LRRC37A3: variants seen among roughly 807,000 people sequenced by gnomAD.
LRRC37A3 encodes leucine rich repeat containing 37 member A3.
Under a neutral mutation model 106.2 loss-of-function variants are expected in LRRC37A3, and 25 were observed. The observed-to-expected ratio is 0.24, with a 90% CI of 0.17 to 0.33. The LOEUF (loss-of-function observed/expected upper bound fraction) is 0.33. LRRC37A3 is among the 10% of genes least tolerant of loss of function. LRRC37A3 has a pLI of 1.00. For synonymous variants in LRRC37A3, 305 were observed against 635.8 expected (o/e 0.48, Z 7.83); for missense variants, 712 against 1,644.9 (o/e 0.43, Z 9.81).
intron 2 of LRRC37A3, among the ~76,000 whole-genome samples, chr17:64,915,624 A>AT (rs1245636343): frequency 6.6e-6 from 1 of 152,270 alleles, no homozygotes; most frequent in Non-Finnish European, 1.5e-5. Flanking sequence ...TGAACACCAA[A>AT]TGTGTAAAAG....
At chr17:64,880,936 G>GA (rs1341197000) in intron 8 of LRRC37A3, among the ~76,000 whole-genome samples, 5 of 152,034 alleles carry the variant, frequency 3.3e-5, no homozygotes, top group Admixed American at 6.6e-5. Context: ...AGCAGGCCGT[G>GA]AAAATAAATT....
At chr17:64,869,841 G>A (rs1973251513) in intron 8 of LRRC37A3, among the ~76,000 whole-genome samples, 1 of 151,348 alleles carries the variant, frequency 6.6e-6, no homozygotes, top group African/African-American at 2.4e-5. Context: ...GCGGCTGGCT[G>A]CTTGTCTTTT....
chr17:64,869,383 T>C (rs2143440092), intron 8 of LRRC37A3, among the ~76,000 whole-genome samples: 1 of 151,438 alleles, frequency 6.6e-6, no homozygotes. Flanking sequence ...GGGGAAGAAC[T>C]ACAAGGAAAA....
chr17:64,912,350 T>TAC (rs1380191382), intron 2 of LRRC37A3, among the ~76,000 whole-genome samples: 1 of 151,386 alleles, frequency 6.6e-6, no homozygotes, highest in South Asian at 2.1e-4. Context: ...TATACACACA[T>TAC]ACACACACAC....
intron 1 of LRRC37A3, 102 bp from the exon 2 acceptor site, chr17:64,918,972 G>A (rs1291090084): frequency 8.5e-7 from 1 of 1,181,186 alleles, no homozygotes; most frequent in African/African-American, 1.6e-5. Flanking sequence ...CGGGCCAGGT[G>A]GCTGCCCCCG....
In LRRC37A3 at chr17:64,860,636, G is replaced by A; in HGVS notation, c.3510C>T (p.Gly1170=). 1 of 1,613,900 alleles carries A rather than the reference G, an allele frequency of 6.2e-7. No homozygotes were observed. The highest frequency in any genetic ancestry group is 1.3e-5 in the African/African-American group (1 of 75,004). ...NRQRLNRVLM[G]PRSIQKRHFK... The stretch of plus-strand genomic sequence containing the variant: ...AGTGCCTTTTCTGGATGCTCCTTGG[G>A]CCCATGAGGACTCTATTCAGTCTCT... Residue 1170 remains glycine (G), a synonymous_variant, in exon 12 of 15, where the codon GGC becomes GGT. Transcript: ENST00000584306.
At chr17:64,910,079 C>A (rs1416824425) in intron 2 of LRRC37A3, 1 of 152,280 alleles carries the variant, frequency 6.6e-6, no homozygotes, top group South Asian at 2.1e-4. Flanking sequence ...CTGGATGAAC[C>A]GGTCAACGGC....
At chr17:64,883,558 C>G (rs1394096394) in intron 8 of LRRC37A3, among the ~76,000 whole-genome samples, 1 of 151,886 alleles carries the variant, frequency 6.6e-6, no homozygotes, top group African/African-American at 2.4e-5. Flanking sequence ...TATTCATCAT[C>G]GATCAACCAC....
chr17:64,866,589 C>CAT (rs1212670512), intron 10 of LRRC37A3, among the ~76,000 whole-genome samples: 547 of 24,138 alleles, frequency 0.023, 21 homozygotes, highest in East Asian at 0.034. Context: ...TATACACGTA[C>CAT]ATATATATAT....
At position 64,860,557 on chromosome 17, in the gene LRRC37A3, C is replaced by T. The variant is rs1972834223; in HGVS notation, c.3589G>A (p.Val1197Met). 20 of 1,613,238 alleles carry T rather than the reference C, an allele frequency of 1.2e-5. No homozygotes were observed. The highest frequency in any genetic ancestry group is 1.7e-5 in the Non-Finnish European group (20 of 1,179,870). ...CTTTTTTCTTCGGCAGTGTTCTCCACAGATGCCTGGGCACCCTGTTCCCTC... is the reference window on the plus strand; with the variant it reads ...CTTTTTTCTTCGGCAGTGTTCTCCATAGATGCCTGGGCACCCTGTTCCCTC... ...IRREQGAQAS[V>M]ENTAEEKRLG... Residue 1197 changes from valine to methionine, a missense_variant, in exon 12 of 15, where the codon GTG becomes ATG. Val to Met is a conservative substitution (Grantham distance 21, BLOSUM62 1). Transcript: ENST00000584306.
At chr17:64,871,981 A>T (rs564336935) in intron 8 of LRRC37A3, among the ~76,000 whole-genome samples, 26 of 151,634 alleles carry the variant, frequency 1.7e-4, no homozygotes, top group Admixed American at 5.2e-4. Flanking sequence ...AATATACAAA[A>T]ATTAGCTGGG....
At chr17:64,900,921 G>GTA (rs1177799641) in intron 2 of LRRC37A3, 1 of 147,190 alleles carries the variant, frequency 6.8e-6, no homozygotes, top group Admixed American at 6.8e-5. Context: ...ACCCAGGCTG[G>GTA]AGTACAGTGG....
rs1369232025 is a variant in LRRC37A3, at chr17:64,910,788, C to T, written c.-496+7962G>A. Among the ~76,000 whole-genome samples the T allele has an allele frequency of 2.7e-5, 4 of 149,190 alleles. No homozygotes were observed. In the South Asian group the frequency reaches 6.5e-4, roughly 24 times the overall value. On this transcript the variant is annotated intron_variant, in intron 2 of 14. Transcript: ENST00000584306. ...CTTCAAGTAGCTGGGATTACAGGAGCCCACCACCACACCCGGCTAATTTTT... is the reference window on the plus strand; with the variant it reads ...CTTCAAGTAGCTGGGATTACAGGAGTCCACCACCACACCCGGCTAATTTTT...
chr17:64,854,362 G>A lies in LRRC37A3; in HGVS notation c.*237C>T, dbSNP rs1972605276. ...ATGACTGGTGCTTGATGAACCAAGGGAGAGGGCACCAAAAACAATGTTATT... is the reference window on the plus strand; with the variant it reads ...ATGACTGGTGCTTGATGAACCAAGGAAGAGGGCACCAAAAACAATGTTATT... On this transcript the variant is annotated 3_prime_UTR_variant, in exon 15 of 15. Coordinates refer to ENST00000584306, the MANE Select transcript of LRRC37A3 (RefSeq NM_199340.5). The A allele has an allele frequency of 7.7e-6, 5 of 648,982 alleles. No homozygotes were observed. Among genetic ancestry groups the A allele is most frequent in the Middle Eastern group, 4.3e-4 (1 of 2,304 alleles). 40.2% of individuals were successfully genotyped at this position (648,982 alleles called of 1,614,324 possible).
At chr17:64,915,235 C>T (rs148080928) in intron 2 of LRRC37A3, among the ~76,000 whole-genome samples, 1 of 150,860 alleles carries the variant, frequency 6.6e-6, no homozygotes, top group African/African-American at 2.5e-5. Flanking sequence ...TTGCATGTAC[C>T]CTTATAAATA....
intron 2 of LRRC37A3, among the ~76,000 whole-genome samples, chr17:64,914,576 A>ACAAAAG (rs1371805296): frequency 6.6e-6 from 1 of 151,868 alleles, no homozygotes; most frequent in African/African-American, 2.4e-5. Flanking sequence ...AAAAACAAAA[A>ACAAAAG]CAAAAAAACG....
intron 8 of LRRC37A3, among the ~76,000 whole-genome samples, chr17:64,870,268 G>C (rs527952154): frequency 1.3e-5 from 2 of 151,782 alleles, no homozygotes; most frequent in South Asian, 4.2e-4. Flanking sequence ...CCCCGTGCCT[G>C]GCATGATGTC....
chr17:64,917,721 C>A (rs1368356468), intron 2 of LRRC37A3, among the ~76,000 whole-genome samples: 1 of 152,176 alleles, frequency 6.6e-6, no homozygotes, highest in Non-Finnish European at 1.5e-5. Context: ...AATCCCGGCA[C>A]TATGGGAGGC....
intron 10 of LRRC37A3, among the ~76,000 whole-genome samples, chr17:64,866,801 T>TTATATATATATA (rs61583094): frequency 4.7e-4 from 58 of 124,708 alleles, no homozygotes; most frequent in African/African-American, 1.7e-3. Flanking sequence ...TGGCTGATTT[T>TTATATATATATA]TATATATATA....
Sources: gnomAD v4.1 joint callset for allele counts (sites outside exome capture counted in the v4.1 genomes callset) on GRCh38, gnomAD v4.1.1 for gene constraint, MANE v1.5 for transcripts, NCBI Gene and HGNC (gene_info 2026-07-23, HGNC 2026-07-21) for gene names.